The following APIP variants were observed in gnomAD, a reference collection of about 807,000 sequenced individuals.
APIP encodes the protein methylthioribulose-1-phosphate dehydratase.
A neutral mutation model predicts 32.0 loss-of-function variants in APIP; 32 were observed. The observed-to-expected ratio is 1.00, with a 90% confidence interval of 0.76 to 1.34. The LOEUF is 1.34. Ranked by LOEUF, APIP falls within the 40% of genes most tolerant of loss-of-function variation. APIP has a pLI of 0.00. For synonymous variants in APIP, 92 were observed against 94.8 expected (o/e 0.97, Z 0.17); for missense variants, 247 against 298.6 (o/e 0.83, Z 1.27).
At position 34,888,868 on chromosome 11, in the gene APIP, G is replaced by T. The variant is rs746714998; in HGVS notation, c.209C>A (p.Pro70His). ...PSGVQKERIQ[P>H]EDMFVCDINE... ...TATATCACAAACAAACATGTCTTCA[G>T]GCTATTTATAGAGGGGAAAAAAAGA... is the stretch of plus-strand genomic sequence containing the variant. The change falls in exon 4 of 7, where the codon CCT becomes CAT. Residue 70 changes from proline to histidine, a missense_variant and splice_region_variant. Pro to His is a moderately conservative substitution (Grantham distance 77, BLOSUM62 -2). Coordinates refer to ENST00000395787, the MANE Select transcript of APIP (RefSeq NM_015957.4). 1 of 1,472,390 alleles carries T rather than the reference G, an allele frequency of 6.8e-7. No homozygotes were observed. The highest frequency in any genetic ancestry group is 8.9e-7 in the Non-Finnish European group (1 of 1,117,436). The allele number at this position is 1,472,390 out of a possible 1,614,324, so 91.2% of individuals were successfully genotyped here.
chr11:34,898,834 T>C (rs1292304660), intron 1 of APIP, among the ~76,000 whole-genome samples: 1 of 136,668 alleles, frequency 7.3e-6, no homozygotes, highest in African/African-American at 2.8e-5. Flanking sequence ...AGTCTCGCTC[T>C]TTCGCCCAGG....
At chr11:34,897,775 A>T (rs1853302808) in intron 1 of APIP, among the ~76,000 whole-genome samples, 1 of 152,066 alleles carries the variant, frequency 6.6e-6, no homozygotes, top group Admixed American at 6.6e-5. Flanking sequence ...GCAGAACATC[A>T]TGGTGGCCTG....
At chr11:34,906,376 A>G (rs943682784) in intron 1 of APIP, among the ~76,000 whole-genome samples, 2 of 152,224 alleles carry the variant, frequency 1.3e-5, no homozygotes, top group African/African-American at 4.8e-5. Flanking sequence ...CTATGCCCTC[A>G]TAGGGAGATT....
intron 5 of APIP, among the ~76,000 whole-genome samples, chr11:34,885,817 C>T (rs1354647100): frequency 2.6e-5 from 4 of 152,108 alleles, no homozygotes; most frequent in East Asian, 3.8e-4. Flanking sequence ...GAGTTGATCA[C>T]GATCCCTTTG....
intron 1 of APIP, among the ~76,000 whole-genome samples, chr11:34,906,972 G>A (rs528730155): frequency 2.0e-5 from 3 of 152,178 alleles, no homozygotes; most frequent in South Asian, 4.2e-4. Context: ...GCTGCAAACC[G>A]AACCACACGT....
intron 1 of APIP, among the ~76,000 whole-genome samples, chr11:34,910,109 G>A (rs549213753): frequency 6.6e-6 from 1 of 152,334 alleles, no homozygotes. Flanking sequence ...GTGACGATTT[G>A]AGGTTGAAAT....
At chr11:34,908,448 T>C (rs755365726) in intron 1 of APIP, among the ~76,000 whole-genome samples, 7 of 152,346 alleles carry the variant, frequency 4.6e-5, no homozygotes, top group Non-Finnish European at 1.0e-4. Flanking sequence ...TTCTGCACAC[T>C]TGTTGCACTT....
chr11:34,904,534 C>T (rs748121684), intron 1 of APIP, among the ~76,000 whole-genome samples: 21 of 152,146 alleles, frequency 1.4e-4, no homozygotes, highest in South Asian at 4.1e-4. Flanking sequence ...CTTTTCTTAC[C>T]AATGATTTTC....
intron 1 of APIP, among the ~76,000 whole-genome samples, chr11:34,904,482 C>G (rs925380437): frequency 2.6e-5 from 4 of 152,184 alleles, no homozygotes; most frequent in African/African-American, 9.7e-5. Flanking sequence ...AATACCCCTT[C>G]AAAATTAGGT....
chr11:34,884,680 A>G (rs1853030056), intron 5 of APIP, among the ~76,000 whole-genome samples: 1 of 151,858 alleles, frequency 6.6e-6, no homozygotes, highest in South Asian at 2.1e-4. Flanking sequence ...GACAAGATCG[A>G]GACACTACAC....
chr11:34,892,059 T>A (rs1450488309), intron 2 of APIP, among the ~76,000 whole-genome samples: 4 of 152,198 alleles, frequency 2.6e-5, no homozygotes, highest in Admixed American at 2.0e-4. Flanking sequence ...GTACTCTGTT[T>A]ATTCAAGTGA....
At chr11:34,896,051 G>A (rs1853263817) in intron 1 of APIP, among the ~76,000 whole-genome samples, 1 of 152,190 alleles carries the variant, frequency 6.6e-6, no homozygotes, top group East Asian at 1.9e-4. Context: ...AAATGAGAAT[G>A]AGACTCTCAC....
At chr11:34,914,390 G>A (rs1262982965) in intron 1 of APIP, among the ~76,000 whole-genome samples, 1 of 152,096 alleles carries the variant, frequency 6.6e-6, no homozygotes, top group Non-Finnish European at 1.5e-5. Context: ...CCTTCCTTAA[G>A]GCCAAAGAGA....
In APIP at chr11:34,916,262, T is replaced by C; in HGVS notation, c.23A>G (p.Glu8Gly). 1 of 1,612,622 alleles carries C rather than the reference T, an allele frequency of 6.2e-7. No individual in the cohort carries two copies. Among genetic ancestry groups the C allele is most frequent in the South Asian group, 1.1e-5 (1 of 90,952 alleles). MSGCDAR[E>G]GDCCSRRCGA... The stretch of plus-strand genomic sequence containing the variant: ...GCATCTCCGGGAACAACAGTCTCCC[T>C]CCCGAGCATCACAGCCAGACATGGC... The change falls in exon 1 of 7, where the codon GAG (glutamate) becomes GGG (glycine). Residue 8 changes from glutamate to glycine, a missense_variant. Physicochemically the swap from Glu to Gly is moderately conservative, Grantham distance 98. Transcript: ENST00000395787.
At chr11:34,894,093 A>G (rs888319554) in intron 2 of APIP, among the ~76,000 whole-genome samples, 5 of 152,196 alleles carry the variant, frequency 3.3e-5, no homozygotes, top group African/African-American at 1.2e-4. Context: ...TTTCATTGAT[A>G]GCAAGTTACT....
intron 1 of APIP, among the ~76,000 whole-genome samples, chr11:34,908,937 A>G (rs137983477): frequency 1.4e-5 from 2 of 147,260 alleles, no homozygotes; most frequent in Non-Finnish European, 3.0e-5. Context: ...ATGATTGAAA[A>G]CCACCAAAGA....
At chr11:34,897,664 C>G (rs1250306608) in intron 1 of APIP, among the ~76,000 whole-genome samples, 2 of 151,914 alleles carry the variant, frequency 1.3e-5, no homozygotes, top group Admixed American at 1.3e-4. Flanking sequence ...TGTGCAAATG[C>G]CAGCCATTAG....
At chr11:34,898,785 GGTTTTTTTTTTTTTTTT>G (rs1259186541) in intron 1 of APIP, among the ~76,000 whole-genome samples, 3 of 92,114 alleles carry the variant, frequency 3.3e-5, no homozygotes, top group Admixed American at 1.2e-4. Flanking sequence ...TTCTTTCTTT[GGTTTTTTTTTTTTTTTT>G]TTTTTTTTTT....
chr11:34,894,917 G>T, intron 2 of APIP, 93 bp downstream of exon 2: 2 of 1,121,938 alleles, frequency 1.8e-6, no homozygotes, highest in South Asian at 1.3e-5. Flanking sequence ...ACATAAAACT[G>T]ATCATCAGTT....
Sources: allele counts gnomAD v4.1 joint callset (sites outside exome capture counted in the v4.1 genomes callset), GRCh38; gene constraint gnomAD v4.1.1; transcripts MANE v1.5; gene names NCBI Gene and HGNC (gene_info 2026-07-23, HGNC 2026-07-21).